CRIM1: variants seen among roughly 807,000 people sequenced by gnomAD.
CRIM1 encodes cysteine rich transmembrane BMP regulator 1.
A neutral mutation model predicts 116.4 loss-of-function variants in CRIM1; 32 were observed. The ratio of observed to expected loss-of-function variants is 0.27; its 90% CI spans 0.21 to 0.37. The LOEUF (loss-of-function observed/expected upper bound fraction) is 0.37, where lower values mean the gene tolerates loss of function less well. Ranked by LOEUF, CRIM1 falls within the 10% of genes least tolerant of loss-of-function variation. CRIM1 has a pLI of 1.00. For synonymous variants in CRIM1, 590 were observed against 509.2 expected, an observed-to-expected ratio of 1.16 and a Z score of -2.13; for missense variants, 1,331 against 1,354.8, an observed-to-expected ratio of 0.98 and a Z score of 0.28.
chr2:36,503,627 A>G (rs561422081), intron 8 of CRIM1, among the ~76,000 whole-genome samples: 2 of 145,822 alleles, frequency 1.4e-5, no homozygotes, highest in African/African-American at 2.6e-5. Flanking sequence ...TTACTTTTTC[A>G]TTTCATTGTA....
chr2:36,546,550 T>A (rs890789196), intron 15 of CRIM1, among the ~76,000 whole-genome samples: 5 of 152,110 alleles, frequency 3.3e-5, no homozygotes, highest in Admixed American at 3.3e-4. Context: ...AATTAATTAA[T>A]AGTAAAAGAA....
At chr2:36,545,930 A>G (rs767711161) in intron 15 of CRIM1, among the ~76,000 whole-genome samples, 12 of 152,138 alleles carry the variant, frequency 7.9e-5, no homozygotes, top group South Asian at 4.1e-4. Context: ...ATGTTTCTAT[A>G]AAGTTTTATT....
intron 5 of CRIM1, among the ~76,000 whole-genome samples, chr2:36,468,099 C>G (rs919775017): frequency 7.2e-5 from 11 of 152,164 alleles, no homozygotes; most frequent in African/African-American, 2.7e-4. Flanking sequence ...ACTGCCCAAC[C>G]ATGGTGAGGT....
intron 1 of CRIM1, among the ~76,000 whole-genome samples, chr2:36,364,493 CAAGTAAGAGGGAGTCTA>C (rs1669459175): frequency 6.6e-6 from 1 of 152,136 alleles, no homozygotes; most frequent in South Asian, 2.1e-4. Flanking sequence ...ATGTCAGGAG[CAAGTAAGAGGGAGTCTA>C]ACCCAAATCT....
intron 2 of CRIM1, among the ~76,000 whole-genome samples, chr2:36,406,630 CCCCA>C (rs1341134181): frequency 2.2e-4 from 32 of 143,698 alleles, no homozygotes; most frequent in African/African-American, 7.1e-4. Context: ...CCTCCCCCCC[CCCCA>C]AAAAAAAACA....
chr2:36,434,832 A>G (rs534460443), intron 2 of CRIM1, among the ~76,000 whole-genome samples: 2 of 152,234 alleles, frequency 1.3e-5, no homozygotes, highest in Admixed American at 6.5e-5. Context: ...TTCTTGCTTT[A>G]GAGCCATCAT....
intron 2 of CRIM1, among the ~76,000 whole-genome samples, chr2:36,406,851 A>G (rs1672845476): frequency 6.6e-6 from 1 of 152,132 alleles, no homozygotes; most frequent in Admixed American, 6.5e-5. Context: ...ATGCTTGTGA[A>G]TGTGTTGCTT....
At chr2:36,471,866 T>C (rs1358721614) in intron 5 of CRIM1, among the ~76,000 whole-genome samples, 1 of 152,192 alleles carries the variant, frequency 6.6e-6, no homozygotes, top group African/African-American at 2.4e-5. Flanking sequence ...AGTGTAAACA[T>C]AACTTTTAAA....
At chr2:36,544,793 G>A (rs918254678) in intron 15 of CRIM1, among the ~76,000 whole-genome samples, 12 of 152,166 alleles carry the variant, frequency 7.9e-5, no homozygotes, top group Admixed American at 2.0e-4. Context: ...CCTGGTATCT[G>A]GAACTTCTAA....
chr2:36,524,313 A>G (rs1385407214), intron 13 of CRIM1, among the ~76,000 whole-genome samples: 1 of 152,238 alleles, frequency 6.6e-6, no homozygotes, highest in Non-Finnish European at 1.5e-5. Context: ...GAGCTGACCA[A>G]AATTCACGCA....
At chr2:36,381,169 A>T (rs1670733920) in intron 1 of CRIM1, among the ~76,000 whole-genome samples, 1 of 152,040 alleles carries the variant, frequency 6.6e-6, no homozygotes, top group Non-Finnish European at 1.5e-5. Flanking sequence ...AAGCCTCTGG[A>T]ATGTGGCACT....
chr2:36,443,246 T>C (rs1301166213), intron 4 of CRIM1, among the ~76,000 whole-genome samples: 1 of 152,192 alleles, frequency 6.6e-6, no homozygotes, highest in African/African-American at 2.4e-5. Context: ...TCTCTTTGGC[T>C]TGACTGCGGG....
intron 2 of CRIM1, among the ~76,000 whole-genome samples, chr2:36,411,425 A>G (rs1241992405): frequency 1.3e-5 from 2 of 152,184 alleles, no homozygotes; most frequent in African/African-American, 4.8e-5. Flanking sequence ...GTATGGATTT[A>G]TAATAAATAG....
chr2:36,515,079 G>A (rs1054447292), intron 11 of CRIM1, among the ~76,000 whole-genome samples: 17 of 152,178 alleles, frequency 1.1e-4, no homozygotes, highest in Admixed American at 1.1e-3. Flanking sequence ...TAATATGATA[G>A]AACTCTGTGT....
chr2:36,435,517 C>G (rs2124916615), intron 2 of CRIM1, among the ~76,000 whole-genome samples: 2 of 151,770 alleles, frequency 1.3e-5, no homozygotes, highest in South Asian at 4.2e-4. Context: ...AGTAGTTTTT[C>G]ATTTGTCTTT....
chr2:36,470,940 A>C (rs959162283), intron 5 of CRIM1, among the ~76,000 whole-genome samples: 2 of 152,216 alleles, frequency 1.3e-5, no homozygotes, highest in African/African-American at 4.8e-5. Flanking sequence ...TCAGAATATT[A>C]ACATGGAGTT....
At chr2:36,383,045 A>G (rs923215296) in intron 1 of CRIM1, among the ~76,000 whole-genome samples, 1 of 152,194 alleles carries the variant, frequency 6.6e-6, no homozygotes, top group African/African-American at 2.4e-5. Context: ...TCATTTGGAT[A>G]GTGTTTTTGA....
chr2:36,380,401 C>A (rs1670655719), intron 1 of CRIM1, among the ~76,000 whole-genome samples: 1 of 152,148 alleles, frequency 6.6e-6, no homozygotes. Flanking sequence ...CCACAGTTGT[C>A]CAGTCCCATC....
intron 1 of CRIM1, among the ~76,000 whole-genome samples, chr2:36,360,089 A>T (rs13405945): frequency 0.33 from 49,573 of 152,128 alleles, 9,678 homozygotes; most frequent in Non-Finnish European, 0.45. Flanking sequence ...TAGAAAGAAG[A>T]TTTTGATTGG....
Sources: gnomAD v4.1 joint callset for allele counts (sites outside exome capture counted in the v4.1 genomes callset) on GRCh38, gnomAD v4.1.1 for gene constraint, MANE v1.5 for transcripts, NCBI Gene and HGNC (gene_info 2026-07-23, HGNC 2026-07-21) for gene names.